Variants in PYROXD2 observed in about 807,000 individuals in gnomAD.
PYROXD2 encodes the protein pyridine nucleotide-disulphide oxidoreductase domain 2.
A neutral mutation model predicts 71.1 loss-of-function variants in PYROXD2; 69 were observed. The ratio of observed to expected loss-of-function variants is 0.97; its 90% CI spans 0.80 to 1.19. The LOEUF is 1.19. Ranked by LOEUF, PYROXD2 falls within the 50% of genes most tolerant of loss-of-function variation. PYROXD2 has a pLI of 0.00. For missense variants in PYROXD2, 745 were observed against 748.9 expected (o/e 0.99, Z 0.06); for synonymous variants, 287 against 302.7 (o/e 0.95, Z 0.54).
chr10:98,394,812 G>A (rs1221168489), intron 8 of PYROXD2, among the ~76,000 whole-genome samples: 1 of 152,118 alleles, frequency 6.6e-6, no homozygotes, highest in Admixed American at 6.5e-5. Context: ...AGAGGTAGAA[G>A]AGGGAAGGGA....
chr10:98,411,621 G>A (rs1316663782), intron 1 of PYROXD2: 2 of 152,124 alleles, frequency 1.3e-5, no homozygotes, highest in East Asian at 1.9e-4. Flanking sequence ...CTTGAGCTGA[G>A]AGGCCTGAAT....
chr10:98,399,452 C>A (rs1371831691), intron 5 of PYROXD2, among the ~76,000 whole-genome samples: 1 of 152,210 alleles, frequency 6.6e-6, no homozygotes, highest in African/African-American at 2.4e-5. Context: ...TGGCAGGGCC[C>A]TTACGGAACT....
At position 98,399,926 on chromosome 10, in the gene PYROXD2, C is replaced by T. The variant is rs573546248; in HGVS notation, c.471+176G>A. Among the ~76,000 whole-genome samples, 5 of 152,370 alleles carry T rather than the reference C, an allele frequency of 3.3e-5. No individual in the cohort carries two copies. The South Asian group carries it at 1.0e-3, about 32-fold the overall frequency. Reference sequence around the variant, plus strand: ...GGTCTTAATCAGCATCCTCCACCCGCTTCTCTTCGCAGTGCCTGAGATCAA... The same window carrying T: ...GGTCTTAATCAGCATCCTCCACCCGTTTCTCTTCGCAGTGCCTGAGATCAA... On this transcript the variant is annotated intron_variant, in intron 5 of 15. Transcript: ENST00000370575.
intron 3 of PYROXD2, 24 bp from the exon 4 acceptor site, chr10:98,407,679 T>G (rs45523432): frequency 1.1e-6 from 1 of 898,684 alleles, no homozygotes; most frequent in Non-Finnish European, 1.5e-6. Flanking sequence ...CGATGAAGAC[T>G]GTCACCAGGG....
Position 98,400,090 on chromosome 10 carries a change from C to A in PYROXD2, c.471+12G>T. ...AGGGAGCAGGAGCTCAGTCACTGGT[C>A]GCCTTCCCTACCTGGGCATCCTTCT... is the stretch of plus-strand genomic sequence containing the variant. On this transcript the variant is annotated intron_variant, in intron 5 of 15. Transcript: ENST00000370575. 1 of 1,610,826 alleles carries A rather than the reference C, an allele frequency of 6.2e-7. No individual in the cohort carries two copies. The highest frequency in any genetic ancestry group is 1.1e-5 in the South Asian group (1 of 90,496).
intron 4 of PYROXD2, among the ~76,000 whole-genome samples, chr10:98,400,855 C>A (rs2135991269): frequency 6.6e-6 from 1 of 152,326 alleles, no homozygotes; most frequent in East Asian, 1.9e-4. Context: ...ATCTGATAGC[C>A]TACCACACAT....
rs771036339 is a variant in PYROXD2, at chr10:98,383,858, C to G, written c.1686G>C (p.Val562=). The change falls in exon 16 of 16, where the codon GTG becomes GTC. Residue 562 remains valine, a synonymous_variant. Transcript: ENST00000370575. ...CGSGAHPGGG[V]MGAAGRNAAH... ...CTGCATTTCGCCCAGCAGCTCCCAT[C>G]ACACCTCCTCCTGGAAGGGAATCTC... 76 of 1,613,892 alleles carry G rather than the reference C, an allele frequency of 4.7e-5. No homozygotes were observed. In the Admixed American group the frequency reaches 1.3e-3, roughly 27 times the overall value.
At chr10:98,397,860 T>C (rs1843245017) in intron 5 of PYROXD2, among the ~76,000 whole-genome samples, 1 of 150,794 alleles carries the variant, frequency 6.6e-6, no homozygotes, top group African/African-American at 2.4e-5. Context: ...AGAAGTTTCT[T>C]CCTTCTGTCC....
At chr10:98,407,376 A>T (rs1843633572) in intron 4 of PYROXD2, among the ~76,000 whole-genome samples, 1 of 152,178 alleles carries the variant, frequency 6.6e-6, no homozygotes, top group Non-Finnish European at 1.5e-5. Flanking sequence ...GAAATTTCCC[A>T]CTTTTCAAGA....
chr10:98,393,276 G>C (rs1026333448), intron 8 of PYROXD2, among the ~76,000 whole-genome samples, 193 bp from the exon 9 acceptor site: 1 of 152,098 alleles, frequency 6.6e-6, no homozygotes, highest in African/African-American at 2.4e-5. Context: ...CCTAACAAGT[G>C]TGTCTATGTG....
In PYROXD2 at chr10:98,407,629, G is replaced by C; in HGVS notation, c.268C>G (p.Leu90Val). ...ATCTGCGGCCTCAGCAGGCTGAGCA[G>C]GTAGGACGCGCGGGAGAACTTAAAC... ...PGFKFSRASY[L>V]LSLLRPQIYT... The change falls in exon 4 of 16, where the codon CTG (leucine) becomes GTG (valine). Residue 90 changes from leucine (L) to valine (V), a missense_variant. Coordinates refer to ENST00000370575, the MANE Select transcript of PYROXD2 (RefSeq NM_032709.3). 1 of 1,614,066 alleles carries C rather than the reference G, an allele frequency of 6.2e-7. No individual in the cohort carries two copies. The highest frequency in any genetic ancestry group is 1.1e-5 in the South Asian group (1 of 91,080).
chr10:98,400,681 C>T (rs1169614981), intron 4 of PYROXD2, among the ~76,000 whole-genome samples: 9 of 152,204 alleles, frequency 5.9e-5, no homozygotes, highest in Admixed American at 2.0e-4. Context: ...ATGACACACT[C>T]ATTCCATGCC....
chr10:98,392,325 C>A (rs766193463), intron 10 of PYROXD2, 107 bp downstream of exon 10: 12 of 1,513,570 alleles, frequency 7.9e-6, no homozygotes, highest in Non-Finnish European at 9.7e-6. Flanking sequence ...AGAGACTTGG[C>A]TTTTGCATCT....
chr10:98,401,598 C>G (rs572761515), intron 4 of PYROXD2, among the ~76,000 whole-genome samples: 1 of 152,142 alleles, frequency 6.6e-6, no homozygotes, highest in Non-Finnish European at 1.5e-5. Flanking sequence ...AAACATTGTA[C>G]AGCTATATAA....
At chr10:98,409,903 C>T (rs1843729314) in intron 2 of PYROXD2, among the ~76,000 whole-genome samples, 1 of 152,078 alleles carries the variant, frequency 6.6e-6, no homozygotes, top group South Asian at 2.1e-4. Flanking sequence ...CATGGCGAAA[C>T]CCCGTCTCTA....
intron 4 of PYROXD2, among the ~76,000 whole-genome samples, chr10:98,401,276 ACAAACATAG>A (rs1564805438): frequency 1.3e-5 from 2 of 150,784 alleles, no homozygotes; most frequent in African/African-American, 4.9e-5. Context: ...ACAAAAAAAA[ACAAACATAG>A]AAAAGGTACA....
chr10:98,387,142 C>G, intron 14 of PYROXD2, 59 bp downstream of exon 14: 2 of 1,308,452 alleles, frequency 1.5e-6, no homozygotes, highest in Non-Finnish European at 2.2e-6. Context: ...AGGTCATAGC[C>G]AGGAAGTGAG....
chr10:98,390,800 T>C (rs1842922905), intron 11 of PYROXD2, 46 bp from the exon 12 acceptor site: 1 of 1,537,606 alleles, frequency 6.5e-7, no homozygotes. Context: ...CACAAGGTCC[T>C]CCCTCTACAG....
chr10:98,411,080 C>A (rs999837715), intron 1 of PYROXD2, 122 bp from the exon 2 acceptor site: 2 of 1,387,480 alleles, frequency 1.4e-6, no homozygotes, highest in South Asian at 1.3e-5. Context: ...TGGTGACCCT[C>A]CCCTCCCCTT....
Sources: allele counts gnomAD v4.1 joint callset (sites outside exome capture counted in the v4.1 genomes callset), GRCh38; gene constraint gnomAD v4.1.1; transcripts MANE v1.5; gene names NCBI Gene and HGNC (gene_info 2026-07-23, HGNC 2026-07-21).